Variants in ATP13A2 observed in about 807,000 individuals in gnomAD.
ATP13A2 encodes the protein polyamine-transporting ATPase 13A2.
A neutral mutation model predicts 138.3 loss-of-function variants in ATP13A2; 83 were observed. That is an observed-to-expected ratio of 0.60 (90% CI 0.50 to 0.72). The LOEUF (loss-of-function observed/expected upper bound fraction) is 0.72. ATP13A2 is among the 30% of genes least tolerant of loss of function. The pLI is 0.00. For synonymous variants in ATP13A2, 663 were observed against 699.0 expected (o/e 0.95, Z 0.81); for missense variants, 1,402 against 1,606.4 (o/e 0.87, Z 2.17).
chr1:17,004,445 C>T lies in ATP13A2; in HGVS notation c.478-34G>A. The T allele has an allele frequency of 1.2e-6, 2 of 1,610,620 alleles. No individual in the cohort carries two copies. The highest frequency in any genetic ancestry group is 1.7e-6 in the Non-Finnish European group (2 of 1,177,762). On this transcript the variant is annotated intron_variant, in intron 5 of 28. Transcript: ENST00000326735. The surrounding 1 kb of genome is among the most constrained non-coding windows in gnomAD (Gnocchi z 4.1). ...GAGAGAGGAGAGGATGGGTTGGAAG[C>T]TGGCCCCGGCCCCAGAAGCAGTGTG...
At chr1:17,007,645 G>A (rs1319621362) in intron 1 of ATP13A2, among the ~76,000 whole-genome samples, 2 of 150,160 alleles carry the variant, frequency 1.3e-5, no homozygotes, top group Non-Finnish European at 3.0e-5. Context: ...TCTGCCTTCC[G>A]GGTTCACACC....
intron 8 of ATP13A2, 107 bp downstream of exon 8, chr1:17,001,927 C>T (rs973564527): frequency 6.9e-6 from 8 of 1,153,862 alleles, no homozygotes; most frequent in Non-Finnish European, 1.2e-6. Context: ...GAGAAGGGGA[C>T]AGCTGGTCTG....
Position 17,004,108 on chromosome 1 carries a change from A to G in ATP13A2, c.557+224T>C, listed in dbSNP as rs2077463523. ...GGTGCCAAGCTCTACATAAATTATTATCTATTTCACCATCAAAACAATCCT... is the reference window on the plus strand; with the variant it reads ...GGTGCCAAGCTCTACATAAATTATTGTCTATTTCACCATCAAAACAATCCT... On this transcript the variant is annotated intron_variant, in intron 6 of 28. Transcript: ENST00000326735. The surrounding 1 kb of genome is among the most constrained non-coding windows in gnomAD (Gnocchi z 4.1). Among the ~76,000 whole-genome samples the G allele has an allele frequency of 6.6e-6, 1 of 152,208 alleles. No individual in the cohort carries two copies. Among genetic ancestry groups the G allele is most frequent in the South Asian group, 2.1e-4 (1 of 4,830 alleles).
intron 23 of ATP13A2, among the ~76,000 whole-genome samples, chr1:16,989,137 AACT>A (rs2076835481): frequency 6.6e-6 from 1 of 151,362 alleles, no homozygotes; most frequent in Non-Finnish European, 1.5e-5. Context: ...GCTGGTCTTG[AACT>A]CCTGACCTCA....
intron 20 of ATP13A2, 46 bp downstream of exon 20, chr1:16,991,688 G>C (rs763540215): frequency 6.2e-7 from 1 of 1,613,670 alleles, no homozygotes; most frequent in Non-Finnish European, 8.5e-7. Context: ...TGCCAGGAAG[G>C]GGCGGATTCT....
intron 6 of ATP13A2, among the ~76,000 whole-genome samples, chr1:17,003,589 A>C (rs990601375): frequency 8.3e-5 from 12 of 144,194 alleles, no homozygotes; most frequent in Non-Finnish European, 1.8e-4. Context: ...AAAAAACCAC[A>C]CACACACACA....
chr1:17,002,875 C>T (rs1157006512), intron 6 of ATP13A2, among the ~76,000 whole-genome samples: 7 of 152,184 alleles, frequency 4.6e-5, no homozygotes, highest in African/African-American at 1.7e-4. Context: ...GAGGCTGTTG[C>T]TGCCATCCCC....
chr1:17,000,039 C>T lies in ATP13A2; in HGVS notation c.1011G>A (p.Glu337=), dbSNP rs1285719292. ...MPCDAALVAG[E]CMVNESSLTG... ...TCAGAGAGCTCTCATTCACCATGCA[C>T]TCGCCGGCCACCAGGGCGGCATCAC... The change falls in exon 11 of 29, where the codon GAG becomes GAA. Residue 337 remains glutamate, a synonymous_variant. Coordinates refer to ENST00000326735, the MANE Select transcript of ATP13A2 (RefSeq NM_022089.4). The T allele has an allele frequency of 6.2e-7, 1 of 1,612,264 alleles. No individual in the cohort carries two copies. Among genetic ancestry groups the T allele is most frequent in the South Asian group, 1.1e-5 (1 of 90,822 alleles).
chr1:16,996,298 G>C lies in ATP13A2; in HGVS notation c.1309C>G (p.Leu437Val), dbSNP rs149372969. The C allele has an allele frequency of 1.4e-3, 2,214 of 1,614,210 alleles. 3 individuals are homozygous for C. Among genetic ancestry groups the C allele is most frequent in the Non-Finnish European group, 1.7e-3 (2,059 of 1,180,048 alleles). Reference sequence around the variant, plus strand: ...AAGATGCTGTAGATGGTGCCGAGGAGAGCTGTGGGGACAGCGAAGGACTGA... The same window carrying C: ...AAGATGCTGTAGATGGTGCCGAGGACAGCTGTGGGGACAGCGAAGGACTGA... Reference protein sequence around the residue: ...KFVAALSVLALLGTIYSIFIL... With the variant: ...KFVAALSVLAVLGTIYSIFIL... Residue 437 changes from leucine (L) to valine (V), a missense_variant and splice_region_variant, in exon 14 of 29, where the codon CTC (leucine) becomes GTC (valine). Leu to Val is a conservative substitution (Grantham distance 32). Transcript: ENST00000326735.
intron 16 of ATP13A2, among the ~76,000 whole-genome samples, 165 bp from the exon 17 acceptor site, chr1:16,992,746 A>G (rs1195439683): frequency 6.6e-6 from 1 of 152,154 alleles, no homozygotes; most frequent in South Asian, 2.1e-4. Flanking sequence ...TGCTACTTAC[A>G]AGCTGTTGGG....
intron 1 of ATP13A2, among the ~76,000 whole-genome samples, chr1:17,006,538 A>C (rs1368543720): frequency 6.6e-6 from 1 of 152,070 alleles, no homozygotes; most frequent in African/African-American, 2.4e-5. Flanking sequence ...GGCATGAGCC[A>C]CCGTGCTTGG....
chr1:17,003,358 G>T (rs1047660419), intron 6 of ATP13A2, among the ~76,000 whole-genome samples: 1 of 152,088 alleles, frequency 6.6e-6, no homozygotes, highest in Admixed American at 6.6e-5. Context: ...AGGTATTTGA[G>T]AACAGCCTGG....
intron 3 of ATP13A2, 34 bp downstream of exon 3, chr1:17,005,340 G>A (rs552168471): frequency 2.2e-5 from 35 of 1,567,678 alleles, no homozygotes; most frequent in East Asian, 7.0e-5. Context: ...CCCTCACTGC[G>A]CTTCTCTAGC....
chr1:16,997,878 GGGAGGGGGAAGGA>G (rs1340043581), intron 11 of ATP13A2, among the ~76,000 whole-genome samples: 2 of 149,552 alleles, frequency 1.3e-5, no homozygotes, highest in African/African-American at 4.9e-5. Context: ...GGTAAGGAAG[GGGAGGGGGAAGGA>G]GGAGGGGGAG....
At chr1:17,006,269 G>A (rs376920013) in intron 1 of ATP13A2, among the ~76,000 whole-genome samples, 2 of 71,336 alleles carry the variant, frequency 2.8e-5, no homozygotes, top group East Asian at 1.0e-3. Context: ...TTTTTTTTTT[G>A]AGACGGAGTG....
At position 17,011,705 on chromosome 1, in the gene ATP13A2, G is replaced by A. The variant is rs773474054; in HGVS notation, c.10+24C>T. The A allele has an allele frequency of 3.9e-5, 58 of 1,486,916 alleles. No homozygotes were observed. In the African/African-American group the frequency reaches 7.0e-4, roughly 18 times the overall value. 92.1% of individuals were successfully genotyped at this position (1,486,916 alleles called of 1,614,324 possible). On this transcript the variant is annotated intron_variant, in intron 1 of 28. Coordinates refer to ENST00000326735, the MANE Select transcript of ATP13A2 (RefSeq NM_022089.4). This position sits in a 1 kb window ranked among gnomAD's most constrained non-coding sequence, Gnocchi z 7.3. Reference sequence around the variant, plus strand: ...GGGCCGGGGACCGCGCCGGGCTCGGGGCCGACCCGGACTCCGCACTCACCT... The same window carrying A: ...GGGCCGGGGACCGCGCCGGGCTCGGAGCCGACCCGGACTCCGCACTCACCT...
chr1:17,008,331 T>C (rs2077643131), intron 1 of ATP13A2, among the ~76,000 whole-genome samples: 1 of 152,196 alleles, frequency 6.6e-6, no homozygotes, highest in Admixed American at 6.5e-5. Context: ...AGACAGGGTT[T>C]TGTCTTTTTG....
chr1:17,010,320 C>T (rs933215022), intron 1 of ATP13A2, among the ~76,000 whole-genome samples: 2 of 152,136 alleles, frequency 1.3e-5, no homozygotes, highest in African/African-American at 2.4e-5. Flanking sequence ...TCAAGTAATC[C>T]GCCTGCCTCA....
In ATP13A2 at chr1:17,004,748, C is replaced by T; in HGVS notation, c.421G>A (p.Ala141Thr). Residue 141 changes from alanine (A) to threonine (T), a missense_variant, in exon 5 of 29, where the codon GCC becomes ACC. Ala to Thr is a moderately conservative substitution (Grantham distance 58). Transcript: ENST00000326735. The surrounding 1 kb of genome is among the most constrained non-coding windows in gnomAD (Gnocchi z 4.1). ...TGGAGCTGGGCCGTATCCTTCCAGG[C>T]ACCCTCTGGTACCGCCCCAACTGCC... ...QAAVGAVPEGAWKDTAQLHKS... is the reference protein window; with the variant it reads ...QAAVGAVPEGTWKDTAQLHKS... 2.5e-6 allele frequency: 4 copies of T among 1,614,142 alleles called. No homozygotes were observed. The highest frequency in any genetic ancestry group is 3.4e-6 in the Non-Finnish European group (4 of 1,180,036).
Sources: gnomAD v4.1 joint callset for allele counts (sites outside exome capture counted in the v4.1 genomes callset) on GRCh38, gnomAD v4.1.1 for gene constraint, Gnocchi (gnomAD v3.1) non-coding constraint, MANE v1.5 for transcripts, NCBI Gene and HGNC (gene_info 2026-07-23, HGNC 2026-07-21) for gene names.